The following LRP1B variants were observed in gnomAD, a reference collection of about 807,000 sequenced individuals.
LRP1B encodes LDL receptor related protein 1B, also known as low-density lipoprotein receptor-related protein 1B.
LRP1B carries 217 observed loss-of-function variants against 556.6 expected under a neutral mutation model. The ratio of observed to expected loss-of-function variants is 0.39; its 90% CI spans 0.35 to 0.44. The LOEUF (loss-of-function observed/expected upper bound fraction) is 0.44, where lower values mean the gene tolerates loss of function less well. Among genes scored for constraint, LRP1B ranks in the 20% least tolerant of loss-of-function variants. LRP1B has a pLI of 1.00. For missense variants in LRP1B, 5,053 were observed against 5,620.8 expected, an observed-to-expected ratio of 0.90 and a Z score of 3.23; for synonymous variants, 2,047 against 1,865.8, an observed-to-expected ratio of 1.10 and a Z score of -2.50.
At chr2:141,377,672 C>A (rs1689488066) in intron 3 of LRP1B, among the ~76,000 whole-genome samples, 1 of 151,906 alleles carries the variant, frequency 6.6e-6, no homozygotes. Flanking sequence ...TTATCCACTA[C>A]AAATATTTTA....
intron 41 of LRP1B, among the ~76,000 whole-genome samples, chr2:140,657,588 TAC>T (rs1684929000): frequency 1.4e-5 from 2 of 146,774 alleles, no homozygotes; most frequent in African/African-American, 2.5e-5. Flanking sequence ...TATATATACA[TAC>T]ATACATATAT....
intron 66 of LRP1B, among the ~76,000 whole-genome samples, chr2:140,435,197 G>C (rs761824351): frequency 4.6e-5 from 7 of 152,004 alleles, no homozygotes; most frequent in Admixed American, 3.9e-4. Context: ...TCCAAAGGTA[G>C]GCCAAAAGAG....
At chr2:141,207,292 T>C (rs917161054) in intron 6 of LRP1B, among the ~76,000 whole-genome samples, 1 of 152,218 alleles carries the variant, frequency 6.6e-6, no homozygotes, top group African/African-American at 2.4e-5. Context: ...ATGAATATTC[T>C]ATAAAGATAA....
chr2:140,766,852 A>AT (rs1689134696), intron 35 of LRP1B, among the ~76,000 whole-genome samples: 1 of 51,468 alleles, frequency 1.9e-5, no homozygotes, highest in African/African-American at 4.6e-5. Flanking sequence ...TATTATATAT[A>AT]TATATATATA....
Position 140,776,095 on chromosome 2 carries a change from T to A in LRP1B, c.5500+3A>T, listed in dbSNP as rs1255710642. Reference sequence around the variant, plus strand: ...CTGGCACAAATTCATTAGTGTGATTTACCTTGCTGTGCTTCTTTATCATAG... The same window carrying A: ...CTGGCACAAATTCATTAGTGTGATTAACCTTGCTGTGCTTCTTTATCATAG... On this transcript the variant is annotated splice_donor_region_variant and intron_variant, in intron 33 of 90. Transcript: ENST00000389484. The A allele has an allele frequency of 1.3e-6, 2 of 1,557,468 alleles. No individual in the cohort carries two copies. Among genetic ancestry groups the A allele is most frequent in the Non-Finnish European group, 1.7e-6 (2 of 1,157,508 alleles).
chr2:140,574,393 G>A (rs1343554284), intron 43 of LRP1B, among the ~76,000 whole-genome samples: 1 of 152,024 alleles, frequency 6.6e-6, no homozygotes, highest in Non-Finnish European at 1.5e-5. Flanking sequence ...ACAGCACTTT[G>A]ACCATTCTAC....
chr2:141,763,182 T>G (rs2105598817), intron 2 of LRP1B, among the ~76,000 whole-genome samples: 1 of 152,290 alleles, frequency 6.6e-6, no homozygotes, highest in South Asian at 2.1e-4. Context: ...AAATAAAGAA[T>G]TCAATTCTTT....
At chr2:141,360,680 A>C (rs926877042) in intron 3 of LRP1B, among the ~76,000 whole-genome samples, 3 of 152,334 alleles carry the variant, frequency 2.0e-5, no homozygotes, top group African/African-American at 7.2e-5. Flanking sequence ...GGAAAGCATC[A>C]GAATGGTGCT....
At chr2:140,456,659 T>C (rs564952154) in intron 61 of LRP1B, 56 bp from the exon 62 acceptor site, 3 of 1,505,094 alleles carry the variant, frequency 2.0e-6, no homozygotes, top group African/African-American at 2.8e-5. Flanking sequence ...ACTAATAATA[T>C]AACATGGGAT....
chr2:140,961,933 T>C (rs530188299), intron 18 of LRP1B, among the ~76,000 whole-genome samples: 75 of 152,318 alleles, frequency 4.9e-4, no homozygotes, highest in African/African-American at 1.5e-3. Flanking sequence ...TAAAAATACT[T>C]GCCACTGGCA....
intron 2 of LRP1B, among the ~76,000 whole-genome samples, chr2:141,512,185 T>C (rs1684155698): frequency 6.6e-6 from 1 of 152,154 alleles, no homozygotes; most frequent in South Asian, 2.1e-4. Flanking sequence ...AGGTAAAATT[T>C]ATCATGTTTA....
intron 7 of LRP1B, among the ~76,000 whole-genome samples, chr2:141,180,447 C>T (rs186062102): frequency 1.4e-4 from 22 of 151,950 alleles, no homozygotes; most frequent in South Asian, 8.3e-4. Context: ...AAGCTATTCT[C>T]TGGCAGAAAG....
At chr2:141,001,387 T>C (rs555454109) in intron 15 of LRP1B, among the ~76,000 whole-genome samples, 1 of 152,134 alleles carries the variant, frequency 6.6e-6, no homozygotes, top group South Asian at 2.1e-4. Context: ...TTGTTACATA[T>C]GTATACAAGT....
chr2:141,367,303 T>A (rs1194099127), intron 3 of LRP1B, among the ~76,000 whole-genome samples: 5 of 152,090 alleles, frequency 3.3e-5, no homozygotes, highest in African/African-American at 1.2e-4. Flanking sequence ...TTGTATACTT[T>A]AAATCCTATA....
intron 4 of LRP1B, among the ~76,000 whole-genome samples, chr2:141,248,597 G>A (rs1473700393): frequency 6.6e-6 from 1 of 152,168 alleles, no homozygotes; most frequent in African/African-American, 2.4e-5. Context: ...GGAGTCAAAT[G>A]AAGCAAGGGT....
intron 1 of LRP1B, among the ~76,000 whole-genome samples, chr2:141,885,658 A>G (rs10201697): frequency 0.85 from 129,871 of 152,174 alleles, 55,522 homozygotes; most frequent in East Asian, 1. Context: ...ACAGGTCTGC[A>G]ACCAAGTGAA....
intron 45 of LRP1B, among the ~76,000 whole-genome samples, chr2:140,537,756 C>T (rs1208550732): frequency 2.6e-5 from 4 of 152,000 alleles, no homozygotes; most frequent in African/African-American, 9.7e-5. Flanking sequence ...GTGATTTGTC[C>T]TAGTTTGTAA....
rs1219231322 is a variant in LRP1B, at chr2:140,485,372, G to T, written c.9396C>A (p.Pro3132=). ...CTTGAGGATCTAAAGACAAGTCTCT[G>T]GGAAACTTCAGCCTTTTGCTAACGA... The part of the protein sequence containing the change: ...TILVSKRLKF[P]RDLSLDPQAG... Residue 3132 remains proline (P), a synonymous_variant, in exon 59 of 91, where the codon CCC becomes CCA. Transcript: ENST00000389484. 2 of 1,611,300 alleles carry T rather than the reference G, an allele frequency of 1.2e-6. No individual in the cohort carries two copies. Among genetic ancestry groups the T allele is most frequent in the African/African-American group, 2.7e-5 (2 of 74,766 alleles).
At chr2:140,879,153 C>A (rs778892442) in intron 25 of LRP1B, among the ~76,000 whole-genome samples, 2 of 152,256 alleles carry the variant, frequency 1.3e-5, no homozygotes, top group Admixed American at 1.3e-4. Context: ...ACTTCTGATG[C>A]ATCATCTTTT....
Sources: gnomAD v4.1 joint callset for allele counts (sites outside exome capture counted in the v4.1 genomes callset) on GRCh38, gnomAD v4.1.1 for gene constraint, MANE v1.5 for transcripts, NCBI Gene and HGNC (gene_info 2026-07-23, HGNC 2026-07-21) for gene names.